The following CPED1 variants were observed in gnomAD, a reference collection of about 807,000 sequenced individuals.
The protein encoded by CPED1 is cadherin like and PC-esterase domain containing 1.
In CPED1, 114 loss-of-function variants were observed where a neutral mutation model predicts 128.2. The ratio of observed to expected loss-of-function variants is 0.89; its 90% CI spans 0.76 to 1.04. CPED1 has a LOEUF of 1.04. CPED1 is among the 50% of genes least tolerant of loss of function. The pLI is 0.00. For missense variants in CPED1, 1,211 were observed against 1,207.1 expected, an observed-to-expected ratio of 1.00 and a Z score of -0.05; for synonymous variants, 462 against 426.7, an observed-to-expected ratio of 1.08 and a Z score of -1.02.
chr7:121,008,143 C>T (rs971413656), intron 2 of CPED1, among the ~76,000 whole-genome samples: 2 of 152,056 alleles, frequency 1.3e-5, no homozygotes, highest in Non-Finnish European at 1.5e-5. Flanking sequence ...AAGAAAAGCA[C>T]TCTTTTTCTG....
chr7:121,140,095 T>C (rs903822372), intron 14 of CPED1, among the ~76,000 whole-genome samples: 1 of 152,078 alleles, frequency 6.6e-6, no homozygotes, highest in Non-Finnish European at 1.5e-5. Context: ...TATAAAACAA[T>C]TTTTTCTTTC....
intron 2 of CPED1, among the ~76,000 whole-genome samples, chr7:120,994,323 C>T (rs1796357492): frequency 6.6e-6 from 1 of 152,114 alleles, no homozygotes; most frequent in Non-Finnish European, 1.5e-5. Context: ...CTTTCTCCTC[C>T]CGATATCTTT....
intron 22 of CPED1, among the ~76,000 whole-genome samples, chr7:121,294,843 A>G (rs1792789099): frequency 6.6e-6 from 1 of 151,910 alleles, no homozygotes; most frequent in South Asian, 2.1e-4. Flanking sequence ...AAATCTACAT[A>G]TATATCTCCA....
chr7:121,201,654 C>G (rs1797404020), intron 16 of CPED1, among the ~76,000 whole-genome samples: 1 of 152,096 alleles, frequency 6.6e-6, no homozygotes, highest in Non-Finnish European at 1.5e-5. Context: ...CATACCTCTA[C>G]CTGGTAAGCC....
chr7:121,028,296 T>C (rs906842400), intron 3 of CPED1, among the ~76,000 whole-genome samples: 8 of 152,160 alleles, frequency 5.3e-5, no homozygotes, highest in Non-Finnish European at 1.0e-4. Context: ...AGTTACTTTT[T>C]TATTATGGTT....
intron 18 of CPED1, among the ~76,000 whole-genome samples, chr7:121,247,527 G>A (rs927316125): frequency 1.3e-5 from 2 of 152,198 alleles, no homozygotes; most frequent in Non-Finnish European, 2.9e-5. Context: ...CTAAGGCTGA[G>A]GAGGGAGGAG....
intron 5 of CPED1, among the ~76,000 whole-genome samples, chr7:121,073,322 T>C (rs890132704): frequency 6.6e-6 from 1 of 152,086 alleles, no homozygotes; most frequent in Non-Finnish European, 1.5e-5. Flanking sequence ...GCTGAGTAGA[T>C]TGAGGAGATG....
chr7:121,200,692 A>G (rs183511331), intron 16 of CPED1, among the ~76,000 whole-genome samples: 1 of 152,230 alleles, frequency 6.6e-6, no homozygotes, highest in East Asian at 1.9e-4. Flanking sequence ...TTTATCCTAC[A>G]TTGGACCAGG....
chr7:121,291,980 T>A (rs1792711854), intron 22 of CPED1, among the ~76,000 whole-genome samples: 1 of 152,096 alleles, frequency 6.6e-6, no homozygotes, highest in Admixed American at 6.6e-5. Context: ...ATTCCATCAA[T>A]GCCTAGTTGG....
intron 2 of CPED1, among the ~76,000 whole-genome samples, chr7:121,013,925 A>G (rs1049400338): frequency 2.0e-5 from 3 of 152,204 alleles, no homozygotes; most frequent in Non-Finnish European, 2.9e-5. Flanking sequence ...ACCATATATC[A>G]TGTCTTGGGA....
intron 5 of CPED1, among the ~76,000 whole-genome samples, chr7:121,071,239 G>A (rs1005768366): frequency 4.6e-5 from 7 of 152,136 alleles, no homozygotes; most frequent in South Asian, 2.1e-4. Flanking sequence ...ATTTCCTCAT[G>A]TTTCTTATCC....
At chr7:121,037,993 C>T (rs1378784279) in intron 3 of CPED1, among the ~76,000 whole-genome samples, 1 of 151,912 alleles carries the variant, frequency 6.6e-6, no homozygotes, top group Non-Finnish European at 1.5e-5. Context: ...ATTTTGTATC[C>T]TGAAACTTTG....
chr7:121,096,180 G>T (rs1051022824), intron 5 of CPED1, among the ~76,000 whole-genome samples: 1 of 151,972 alleles, frequency 6.6e-6, no homozygotes, highest in Admixed American at 6.6e-5. Context: ...TGATGTATTA[G>T]AACTTCATTA....
At chr7:121,098,321 T>C (rs1462607568) in intron 6 of CPED1, among the ~76,000 whole-genome samples, 1 of 152,148 alleles carries the variant, frequency 6.6e-6, no homozygotes, top group Non-Finnish European at 1.5e-5. Flanking sequence ...TTTAATTATC[T>C]TACCCAAGAC....
intron 18 of CPED1, among the ~76,000 whole-genome samples, chr7:121,254,871 A>T (rs1230466505): frequency 1.3e-5 from 2 of 151,668 alleles, no homozygotes; most frequent in Admixed American, 1.3e-4. Context: ...CAAAATTTTG[A>T]ATAGACCAAT....
Position 120,989,820 on chromosome 7 carries a change from C to T in CPED1, c.199C>T (p.Gln67Ter). Residue 67 changes from glutamine (Q) to a stop codon, truncating the protein, a stop_gained, in exon 2 of 23, where the codon CAG becomes TAG. Coordinates refer to ENST00000310396, the MANE Select transcript of CPED1 (RefSeq NM_024913.5). LOFTEE classifies it high-confidence loss of function. ...AAGCAGATGCAAGAAAGGATTCTCT[C>T]AGGACAAACAGTGCTTCCTTCTCTC... is the stretch of plus-strand genomic sequence containing the variant. Reference protein sequence around the residue: ...QASRCKKGFSQDKQCFLLSGN... With the variant: ...QASRCKKGFS 6.2e-7 allele frequency: 1 copy of T among 1,614,148 alleles called. No homozygotes were observed. The highest frequency in any genetic ancestry group is 1.3e-5 in the African/African-American group (1 of 75,038).
At chr7:121,044,650 CTTTT>C (rs58884492) in intron 3 of CPED1, among the ~76,000 whole-genome samples, 7 of 106,046 alleles carry the variant, frequency 6.6e-5, no homozygotes, top group African/African-American at 2.0e-4. Context: ...ACTTTCTGCT[CTTTT>C]TTTTTTTTTT....
At chr7:121,001,598 G>A (rs539368727) in intron 2 of CPED1, among the ~76,000 whole-genome samples, 108 of 152,224 alleles carry the variant, frequency 7.1e-4, no homozygotes, top group African/African-American at 2.1e-3. Context: ...AGTAGGTGGC[G>A]TTAGGGTGGT....
In CPED1 at chr7:121,140,858, C is replaced by T; in HGVS notation, c.1731C>T (p.Ile577=). 1 of 1,612,288 alleles carries T rather than the reference C, an allele frequency of 6.2e-7. No homozygotes were observed. Among genetic ancestry groups the T allele is most frequent in the Non-Finnish European group, 8.5e-7 (1 of 1,179,012 alleles). The part of the protein sequence containing the change: ...DENTPCHIKQ[I]FTHPHLELNP... Reference sequence around the variant, plus strand: ...ACACACCATGTCATATCAAGCAGATCTTCACACATCCACATTTGGAACTAA... The same window carrying T: ...ACACACCATGTCATATCAAGCAGATTTTCACACATCCACATTTGGAACTAA... The change falls in exon 15 of 23, where the codon ATC becomes ATT. Residue 577 remains isoleucine, a synonymous_variant. Coordinates refer to ENST00000310396, the MANE Select transcript of CPED1 (RefSeq NM_024913.5).
Sources: gnomAD v4.1 joint callset for allele counts (sites outside exome capture counted in the v4.1 genomes callset) on GRCh38, gnomAD v4.1.1 for gene constraint, MANE v1.5 for transcripts, NCBI Gene and HGNC (gene_info 2026-07-23, HGNC 2026-07-21) for gene names.